EFCAB8: variants seen among roughly 807,000 people sequenced by gnomAD.
The protein encoded by EFCAB8 is EF-hand calcium-binding domain-containing protein 8.
Under a neutral mutation model 116.3 loss-of-function variants are expected in EFCAB8, and 100 were observed. That is an observed-to-expected ratio of 0.86 (90% CI 0.73 to 1.02). EFCAB8 has a LOEUF of 1.02. Among genes scored for constraint, EFCAB8 ranks in the 50% least tolerant of loss-of-function variants. EFCAB8 has a pLI of 0.00. For missense variants in EFCAB8, 1,320 were observed against 1,416.9 expected, an observed-to-expected ratio of 0.93 and a Z score of 1.10; for synonymous variants, 558 against 567.9, an observed-to-expected ratio of 0.98 and a Z score of 0.25.
intron 23 of EFCAB8, among the ~76,000 whole-genome samples, chr20:32,957,125 A>T (rs538030115): frequency 1.3e-5 from 2 of 151,746 alleles, no homozygotes; most frequent in East Asian, 3.9e-4. Flanking sequence ...TCTTTTCTAT[A>T]GATTGCAATT....
intron 4 of EFCAB8, among the ~76,000 whole-genome samples, chr20:32,876,399 C>T (rs1984976981): frequency 6.6e-6 from 1 of 152,206 alleles, no homozygotes; most frequent in Non-Finnish European, 1.5e-5. Context: ...CACTGTCACT[C>T]AGGAATAGGC....
chr20:32,954,640 A>G (rs1021659353), intron 23 of EFCAB8, among the ~76,000 whole-genome samples: 7 of 152,354 alleles, frequency 4.6e-5, no homozygotes, highest in Middle Eastern at 3.4e-3. Flanking sequence ...TAGAAACTAG[A>G]GATTTTGGCT....
At chr20:32,873,024 C>T (rs765496100) in intron 3 of EFCAB8, among the ~76,000 whole-genome samples, 39 of 149,848 alleles carry the variant, frequency 2.6e-4, no homozygotes, top group Non-Finnish European at 4.1e-4. Flanking sequence ...ACCCAGGATG[C>T]GGAGGTTGCA....
intron 22 of EFCAB8, among the ~76,000 whole-genome samples, chr20:32,940,024 C>A: frequency 2.6e-5 from 1 of 37,922 alleles, no homozygotes; most frequent in Admixed American, 2.3e-4. Flanking sequence ...TCCCTCCCTC[C>A]CTTCCTTCCT....
chr20:32,958,652 G>A (rs1989047104), intron 24 of EFCAB8, 102 bp downstream of exon 24: 1 of 401,932 alleles, frequency 2.5e-6, no homozygotes, highest in South Asian at 1.4e-4. Flanking sequence ...GGTAGAGCTA[G>A]GCATGGGTGG....
intron 23 of EFCAB8, among the ~76,000 whole-genome samples, chr20:32,956,744 T>C (rs1159579860): frequency 1.3e-5 from 2 of 152,166 alleles, no homozygotes; most frequent in Non-Finnish European, 1.5e-5. Context: ...AAGTGTGGTT[T>C]TGTTTGTATT....
chr20:32,910,738 CTTTTTTTTTTTTTT>C (rs34185318), intron 15 of EFCAB8, among the ~76,000 whole-genome samples: 2 of 107,308 alleles, frequency 1.9e-5, no homozygotes, highest in African/African-American at 4.0e-5. Context: ...TCACTTGCTA[CTTTTTTTTTTTTTT>C]TTTTTTTTGC....
intron 17 of EFCAB8, among the ~76,000 whole-genome samples, chr20:32,916,854 G>A (rs927017453): frequency 1.5e-4 from 23 of 152,060 alleles, no homozygotes; most frequent in African/African-American, 5.6e-4. Flanking sequence ...GGTCAGGAAA[G>A]GCTCAGTGAG....
chr20:32,952,207 G>A (rs949295678), intron 23 of EFCAB8, among the ~76,000 whole-genome samples: 2 of 152,110 alleles, frequency 1.3e-5, no homozygotes, highest in Non-Finnish European at 2.9e-5. Flanking sequence ...TGAAGATGCA[G>A]TAATCTGTGA....
intron 23 of EFCAB8, among the ~76,000 whole-genome samples, chr20:32,946,063 C>G (rs1316200810): frequency 3.9e-5 from 6 of 152,216 alleles, no homozygotes; most frequent in East Asian, 3.9e-4. Context: ...TCTGCCTCCT[C>G]AAGGAGAAGC....
chr20:32,892,049 C>T (rs1055410824), intron 7 of EFCAB8, among the ~76,000 whole-genome samples, 164 bp from the exon 8 acceptor site: 22 of 151,898 alleles, frequency 1.4e-4, no homozygotes, highest in African/African-American at 2.7e-4. Flanking sequence ...GTGGGGTTCC[C>T]GGTGGGTGGG....
intron 23 of EFCAB8, among the ~76,000 whole-genome samples, chr20:32,945,370 T>C (rs1382777049): frequency 6.6e-6 from 1 of 152,168 alleles, no homozygotes; most frequent in Non-Finnish European, 1.5e-5. Flanking sequence ...TTGCCCAGGC[T>C]GGCCTTGAAT....
At chr20:32,923,506 A>G (rs1275935982) in intron 20 of EFCAB8, among the ~76,000 whole-genome samples, 1 of 151,970 alleles carries the variant, frequency 6.6e-6, no homozygotes, top group African/African-American at 2.4e-5. Flanking sequence ...CACCACCACC[A>G]CCTATGAAAA....
intron 23 of EFCAB8, among the ~76,000 whole-genome samples, chr20:32,957,084 TA>T (rs1211335756): frequency 2.6e-5 from 4 of 151,996 alleles, no homozygotes; most frequent in Non-Finnish European, 5.9e-5. Context: ...ATTTTAGATG[TA>T]TTTTTTTAGT....
intron 9 of EFCAB8, among the ~76,000 whole-genome samples, chr20:32,893,681 A>G (rs1206895332): frequency 3.3e-5 from 5 of 151,860 alleles, no homozygotes; most frequent in African/African-American, 1.2e-4. Context: ...GCGAGGAGGC[A>G]TGTGCTCTCC....
At chr20:32,952,379 T>C (rs576350957) in intron 23 of EFCAB8, among the ~76,000 whole-genome samples, 137 of 152,376 alleles carry the variant, frequency 9.0e-4, no homozygotes, top group Non-Finnish European at 1.4e-3. Context: ...AGTTTTATAG[T>C]TTTCACTCTT....
At chr20:32,955,719 G>A (rs187098213) in intron 23 of EFCAB8, among the ~76,000 whole-genome samples, 5 of 152,090 alleles carry the variant, frequency 3.3e-5, no homozygotes, top group South Asian at 2.1e-4. Context: ...TCTGTTCCAC[G>A]TCCTGAGCGA....
chr20:32,942,205 C>T (rs907653392), intron 22 of EFCAB8, among the ~76,000 whole-genome samples: 13 of 152,078 alleles, frequency 8.5e-5, no homozygotes, highest in Non-Finnish European at 1.9e-4. Context: ...GTGAGCAAAA[C>T]ATTTTTGGTT....
At chr20:32,942,951 G>A (rs190999486) in intron 22 of EFCAB8, among the ~76,000 whole-genome samples, 12 of 152,174 alleles carry the variant, frequency 7.9e-5, no homozygotes, top group African/African-American at 2.4e-4. Flanking sequence ...GCTTTCTATT[G>A]TCTTCCATTG....
Sources: allele counts gnomAD v4.1 joint callset (sites outside exome capture counted in the v4.1 genomes callset), GRCh38; gene constraint gnomAD v4.1.1; transcripts MANE v1.5; gene names NCBI Gene and HGNC (gene_info 2026-07-23, HGNC 2026-07-21).